Variants in THSD7B observed in about 807,000 individuals in gnomAD.
THSD7B encodes the protein thrombospondin type 1 domain containing 7B, also known as thrombospondin type-1 domain-containing protein 7B.
THSD7B carries 138 observed loss-of-function variants against 213.6 expected under a neutral mutation model. That is an observed-to-expected ratio of 0.65 (90% CI 0.56 to 0.74). The LOEUF is 0.74. Among genes scored for constraint, THSD7B ranks in the 30% least tolerant of loss-of-function variants. The probability of loss-of-function intolerance (pLI) is 0.00; values close to 1 mark genes in which losing one functional copy is unlikely to be tolerated. For synonymous variants in THSD7B, 742 were observed against 687.0 expected, an observed-to-expected ratio of 1.08 and a Z score of -1.25; for missense variants, 1,931 against 1,991.5, an observed-to-expected ratio of 0.97 and a Z score of 0.58.
At chr2:136,807,680 G>T (rs1170130408) in intron 1 of THSD7B, among the ~76,000 whole-genome samples, 4 of 151,752 alleles carry the variant, frequency 2.6e-5, no homozygotes, top group African/African-American at 9.7e-5. Context: ...CTAATTTTTT[G>T]TATTTTTAGT....
At chr2:137,451,095 G>C in intron 15 of THSD7B, 72 bp downstream of exon 15, 1 of 1,407,912 alleles carries the variant, frequency 7.1e-7, no homozygotes, top group Non-Finnish European at 9.3e-7. Context: ...TGAAATTGAA[G>C]TCATTCTCTT....
At position 137,095,067 on chromosome 2, in the gene THSD7B, T is replaced by G. The variant is rs767741795; in HGVS notation, c.1145T>G (p.Leu382Arg). The G allele has an allele frequency of 1.2e-6, 2 of 1,613,742 alleles. No individual in the cohort carries two copies. Among genetic ancestry groups the G allele is most frequent in the East Asian group, 2.2e-5 (1 of 44,886 alleles). Residue 382 changes from leucine (L) to arginine (R), a missense_variant, in exon 4 of 28, where the codon CTT becomes CGT. Leu to Arg is a moderately radical substitution (Grantham distance 102). Coordinates refer to ENST00000409968, the MANE Select transcript of THSD7B (RefSeq NM_001316349.2). ...GGAGGTGGAAAGGAGTGTCCTGAAC[T>G]TCTTGAGAAAGAGGCCTGCATTGTT... ...AIGGGKECPE[L>R]LEKEACIVEG...
chr2:137,033,781 T>C (rs1686719833), intron 2 of THSD7B, among the ~76,000 whole-genome samples: 1 of 151,838 alleles, frequency 6.6e-6, no homozygotes, highest in African/African-American at 2.4e-5. Flanking sequence ...CCCAGCTAAT[T>C]TTTTTTAACA....
chr2:137,101,875 A>T (rs1003154542), intron 4 of THSD7B, among the ~76,000 whole-genome samples: 3 of 152,220 alleles, frequency 2.0e-5, no homozygotes, highest in Middle Eastern at 3.2e-3. Flanking sequence ...TCTGAAAGAA[A>T]GGCAGCAGCC....
intron 1 of THSD7B, among the ~76,000 whole-genome samples, chr2:136,835,892 A>G (rs1682833856): frequency 6.6e-6 from 1 of 152,182 alleles, no homozygotes; most frequent in African/African-American, 2.4e-5. Context: ...AAAGACAGAG[A>G]AAATGACTGA....
At chr2:137,657,427 A>T (rs539998745) in intron 24 of THSD7B, among the ~76,000 whole-genome samples, 33 of 152,310 alleles carry the variant, frequency 2.2e-4, no homozygotes, top group African/African-American at 7.2e-4. Context: ...TAAAGACTGA[A>T]AAAGACAGAT....
At chr2:137,244,696 G>A (rs934394313) in intron 10 of THSD7B, among the ~76,000 whole-genome samples, 1 of 152,098 alleles carries the variant, frequency 6.6e-6, no homozygotes. Context: ...TTCAAGCCCA[G>A]ATAATTCTTT....
intron 3 of THSD7B, among the ~76,000 whole-genome samples, chr2:137,091,082 A>G (rs901756749): frequency 3.9e-5 from 6 of 152,238 alleles, no homozygotes; most frequent in Admixed American, 6.5e-5. Context: ...AAATATGTTA[A>G]TATGTAATCA....
intron 21 of THSD7B, among the ~76,000 whole-genome samples, chr2:137,653,510 T>A (rs369849104): frequency 6.6e-6 from 1 of 151,720 alleles, no homozygotes; most frequent in Non-Finnish European, 1.5e-5. Context: ...TATTTGAATA[T>A]GTTTTCGACG....
chr2:137,499,081 G>A (rs142986460), intron 15 of THSD7B, among the ~76,000 whole-genome samples: 7 of 152,266 alleles, frequency 4.6e-5, no homozygotes, highest in Non-Finnish European at 8.8e-5. Context: ...CAGAACCACC[G>A]GAAAACTCAG....
chr2:136,921,645 T>C (rs1684440507), intron 2 of THSD7B, among the ~76,000 whole-genome samples: 1 of 152,240 alleles, frequency 6.6e-6, no homozygotes, highest in South Asian at 2.1e-4. Context: ...TTCTTGATTT[T>C]CAAGGTGTTT....
At position 136,974,138 on chromosome 2, in the gene THSD7B, ATTC is replaced by A. The variant is rs1413723548; in HGVS notation, c.140-82279_140-82277del. Among the ~76,000 whole-genome samples, 3 of 152,170 alleles carry A rather than the reference ATTC, an allele frequency of 2.0e-5. No individual in the cohort carries two copies. In the East Asian group the frequency reaches 5.8e-4, roughly 29 times the overall value. ...ATTGTTACCTCTATAATATTTTAGTATTCTTATGATTCAAAAATGCTTTATATA... is the reference window on the plus strand; with the variant it reads ...ATTGTTACCTCTATAATATTTTAGTATTATGATTCAAAAATGCTTTATATA... On this transcript the variant is annotated intron_variant, in intron 2 of 27. Coordinates refer to ENST00000409968, the MANE Select transcript of THSD7B (RefSeq NM_001316349.2).
At chr2:137,122,762 G>A (rs1688566181) in intron 5 of THSD7B, among the ~76,000 whole-genome samples, 1 of 151,982 alleles carries the variant, frequency 6.6e-6, no homozygotes, top group South Asian at 2.1e-4. Flanking sequence ...CTATCATATA[G>A]TCTCCCTTAT....
chr2:137,007,152 G>A (rs1686129681), intron 2 of THSD7B, among the ~76,000 whole-genome samples: 1 of 152,282 alleles, frequency 6.6e-6, no homozygotes, highest in Middle Eastern at 3.4e-3. Context: ...AATGCAAACA[G>A]ACATTCCTGA....
chr2:137,664,175 A>G (rs1683405238), intron 26 of THSD7B, among the ~76,000 whole-genome samples: 1 of 152,148 alleles, frequency 6.6e-6, no homozygotes, highest in African/African-American at 2.4e-5. Flanking sequence ...TCAATCCTAA[A>G]TTATCTCTGA....
chr2:136,881,304 G>A (rs1174506082), intron 1 of THSD7B, among the ~76,000 whole-genome samples: 1 of 152,048 alleles, frequency 6.6e-6, no homozygotes, highest in African/African-American at 2.4e-5. Context: ...TCCAAATCAT[G>A]AGCTCCTCAT....
intron 12 of THSD7B, among the ~76,000 whole-genome samples, chr2:137,339,942 G>A (rs577505996): frequency 6.6e-6 from 1 of 151,526 alleles, no homozygotes; most frequent in East Asian, 1.9e-4. Flanking sequence ...TATGTTTGCA[G>A]GCTGCCTCAT....
chr2:136,897,763 C>T (rs1010192102), intron 2 of THSD7B, among the ~76,000 whole-genome samples: 1 of 152,122 alleles, frequency 6.6e-6, no homozygotes, highest in African/African-American at 2.4e-5. Flanking sequence ...TTTAGCTAGA[C>T]ACAGAGCGCT....
intron 2 of THSD7B, among the ~76,000 whole-genome samples, chr2:136,987,005 A>T (rs1573750965): frequency 1.3e-5 from 2 of 152,364 alleles, no homozygotes; most frequent in Middle Eastern, 6.8e-3. Flanking sequence ...TTATTTAGCC[A>T]CCTGAAATTG....
Sources: gnomAD v4.1 joint callset for allele counts (sites outside exome capture counted in the v4.1 genomes callset) on GRCh38, gnomAD v4.1.1 for gene constraint, MANE v1.5 for transcripts, NCBI Gene and HGNC (gene_info 2026-07-23, HGNC 2026-07-21) for gene names.